The following SPOCK1 variants were observed in gnomAD, a reference collection of about 807,000 sequenced individuals.
SPOCK1 encodes SPARC (osteonectin), cwcv and kazal like domains proteoglycan 1, also known as testican-1.
A neutral mutation model predicts 55.3 loss-of-function variants in SPOCK1; 23 were observed. That is an observed-to-expected ratio of 0.42 (90% confidence interval 0.30 to 0.59). The LOEUF is 0.59. Ranked by LOEUF, SPOCK1 falls within the 20% of genes least tolerant of loss-of-function variation. The pLI is 0.22. For missense variants in SPOCK1, 499 were observed against 552.5 expected, an observed-to-expected ratio of 0.90 and a Z score of 0.97; for synonymous variants, 226 against 221.0, an observed-to-expected ratio of 1.02 and a Z score of -0.20.
chr5:137,143,477 T>G (rs1399208370), intron 3 of SPOCK1, among the ~76,000 whole-genome samples: 2 of 151,938 alleles, frequency 1.3e-5, no homozygotes, highest in Non-Finnish European at 2.9e-5. Flanking sequence ...GCAGAGTAGC[T>G]TCTGGGACTG....
At chr5:137,224,229 A>C (rs1405422805) in intron 3 of SPOCK1, among the ~76,000 whole-genome samples, 1 of 152,240 alleles carries the variant, frequency 6.6e-6, no homozygotes, top group Non-Finnish European at 1.5e-5. Flanking sequence ...ACTTGGCTAC[A>C]AGCTTATTAG....
chr5:137,260,583 G>A lies in SPOCK1; in HGVS notation c.232+6427C>T, dbSNP rs150105458. Among the ~76,000 whole-genome samples, 316 of 152,094 alleles carry A rather than the reference G, an allele frequency of 2.1e-3. 1 individual carries two copies. The Middle Eastern group carries it at 0.034, about 16-fold the overall frequency. On this transcript the variant is annotated intron_variant, in intron 3 of 10. Transcript: ENST00000394945. ...GAAAAGAAAATGGGAAAGAAGAAGG[G>A]GCACCCATGAGATTCAAATTTTATA...
intron 6 of SPOCK1, among the ~76,000 whole-genome samples, chr5:136,995,717 T>A (rs1278680634): frequency 6.6e-6 from 1 of 152,230 alleles, no homozygotes; most frequent in African/African-American, 2.4e-5. Flanking sequence ...CTGACAGATG[T>A]GCAGGTAATC....
intron 9 of SPOCK1, among the ~76,000 whole-genome samples, chr5:136,983,373 G>C (rs1046704585): frequency 9.2e-5 from 14 of 152,172 alleles, no homozygotes; most frequent in African/African-American, 3.4e-4. Flanking sequence ...GAGATTAAAT[G>C]AGACCATGGA....
At chr5:137,002,447 T>C (rs1039661230) in intron 6 of SPOCK1, among the ~76,000 whole-genome samples, 1 of 151,646 alleles carries the variant, frequency 6.6e-6, no homozygotes, top group African/African-American at 2.4e-5. Context: ...TTAAAGCTTC[T>C]GATAAAATCC....
chr5:137,099,267 G>A (rs984426638), intron 5 of SPOCK1, among the ~76,000 whole-genome samples: 1 of 152,188 alleles, frequency 6.6e-6, no homozygotes, highest in Middle Eastern at 3.2e-3. Flanking sequence ...AGAATGTGCT[G>A]ATCTCTGGAC....
chr5:137,254,588 A>T (rs933810508), intron 3 of SPOCK1, among the ~76,000 whole-genome samples: 2 of 152,256 alleles, frequency 1.3e-5, no homozygotes, highest in African/African-American at 4.8e-5. Flanking sequence ...AAACATATGT[A>T]AATATGTACG....
intron 2 of SPOCK1, among the ~76,000 whole-genome samples, chr5:137,350,719 G>C (rs887590164): frequency 2.0e-5 from 3 of 152,078 alleles, no homozygotes; most frequent in African/African-American, 7.2e-5. Flanking sequence ...TCAGCTGCAA[G>C]ATGAATTTGT....
At chr5:137,110,426 T>G (rs1375961532) in intron 5 of SPOCK1, among the ~76,000 whole-genome samples, 1 of 152,192 alleles carries the variant, frequency 6.6e-6, no homozygotes, top group Non-Finnish European at 1.5e-5. Context: ...CAGATGATTG[T>G]TTACACACCT....
At chr5:137,284,033 CT>C (rs1670801019) in intron 2 of SPOCK1, among the ~76,000 whole-genome samples, 1 of 152,202 alleles carries the variant, frequency 6.6e-6, no homozygotes, top group African/African-American at 2.4e-5. Context: ...GCACTCTGTG[CT>C]TTATGTAGAT....
chr5:137,055,942 C>T (rs866238921), intron 6 of SPOCK1, among the ~76,000 whole-genome samples: 13 of 152,292 alleles, frequency 8.5e-5, no homozygotes, highest in Middle Eastern at 3.4e-3. Flanking sequence ...GGTGGAGGAA[C>T]CTGCCTCTTT....
chr5:136,989,006 T>G (rs1389973543), intron 7 of SPOCK1, among the ~76,000 whole-genome samples: 1 of 152,228 alleles, frequency 6.6e-6, no homozygotes, highest in Admixed American at 6.5e-5. Flanking sequence ...CCAAAAACTA[T>G]GCTTTCGTAT....
At chr5:137,439,876 G>A (rs901842366) in intron 2 of SPOCK1, among the ~76,000 whole-genome samples, 2 of 152,150 alleles carry the variant, frequency 1.3e-5, no homozygotes, top group Non-Finnish European at 2.9e-5. Flanking sequence ...TAATCAAACA[G>A]CCCAGCCAGA....
intron 2 of SPOCK1, among the ~76,000 whole-genome samples, chr5:137,419,498 C>T (rs1752435376): frequency 6.6e-6 from 1 of 152,184 alleles, no homozygotes; most frequent in African/African-American, 2.4e-5. Flanking sequence ...TTGTAGTTCT[C>T]CTTGAAGAGG....
intron 5 of SPOCK1, among the ~76,000 whole-genome samples, chr5:137,079,557 A>C (rs1381815133): frequency 7.2e-6 from 1 of 138,584 alleles, no homozygotes; most frequent in South Asian, 2.5e-4. Flanking sequence ...ACTTAGTGAA[A>C]TGTCGTACCA....
intron 5 of SPOCK1, among the ~76,000 whole-genome samples, chr5:137,104,012 C>T (rs1359107614): frequency 6.6e-6 from 1 of 152,194 alleles, no homozygotes; most frequent in Admixed American, 6.5e-5. Context: ...TGGTTAGATG[C>T]CACTGAGTAC....
At chr5:137,358,057 C>T (rs1274249671) in intron 2 of SPOCK1, among the ~76,000 whole-genome samples, 4 of 152,048 alleles carry the variant, frequency 2.6e-5, no homozygotes, top group Non-Finnish European at 5.9e-5. Flanking sequence ...AGGACTGTAC[C>T]AGTCACTGCA....
rs374697915 is a variant in SPOCK1, at chr5:137,269,099, C to T, written c.187-2044G>A. ...CTATAATTACCATTTTTACCTATTT[C>T]TTAGGGAAAAATCACAGTTTTAAGT... On this transcript the variant is annotated intron_variant, in intron 2 of 10. Coordinates refer to ENST00000394945, the MANE Select transcript of SPOCK1 (RefSeq NM_004598.4). Among the ~76,000 whole-genome samples the T allele has an allele frequency of 3.6e-4, 50 of 137,584 alleles. No individual in the cohort carries two copies. The East Asian group carries it at 9.9e-3, about 27-fold the overall frequency. 90.3% of individuals were successfully genotyped at this position (137,584 alleles called of 152,430 possible). A position where few individuals can be genotyped will look rare whatever the true frequency, so the allele number is the denominator to read the frequency against.
chr5:136,985,248 T>C (rs760537605), intron 8 of SPOCK1, 46 bp from the exon 9 acceptor site: 1 of 1,533,554 alleles, frequency 6.5e-7, no homozygotes, highest in Non-Finnish European at 9.0e-7. Flanking sequence ...GTATGGAGTA[T>C]AATCGCTAAT....
Sources: allele counts gnomAD v4.1 joint callset (sites outside exome capture counted in the v4.1 genomes callset), GRCh38; gene constraint gnomAD v4.1.1; transcripts MANE v1.5; gene names NCBI Gene and HGNC (gene_info 2026-07-23, HGNC 2026-07-21).